The following RASGRF2 variants were observed in gnomAD, a reference collection of about 807,000 sequenced individuals.
RASGRF2 encodes the protein Ras protein specific guanine nucleotide releasing factor 2, also known as ras-specific guanine nucleotide-releasing factor 2.
Under a neutral mutation model 151.0 loss-of-function variants are expected in RASGRF2, and 76 were observed. The observed-to-expected ratio is 0.50, with a 90% confidence interval of 0.42 to 0.61. RASGRF2 has a LOEUF of 0.61. Ranked by LOEUF, RASGRF2 falls within the 20% of genes least tolerant of loss-of-function variation. The pLI is 0.00. For missense variants in RASGRF2, 1,148 were observed against 1,564.6 expected (o/e 0.73, Z 4.49); for synonymous variants, 504 against 566.5 (o/e 0.89, Z 1.57).
At chr5:81,117,020 A>G (rs1330726759) in intron 15 of RASGRF2, among the ~76,000 whole-genome samples, 1 of 152,198 alleles carries the variant, frequency 6.6e-6, no homozygotes. Flanking sequence ...TATCTATTTG[A>G]TATCAGCATG....
intron 17 of RASGRF2, among the ~76,000 whole-genome samples, chr5:81,160,717 A>ATAATAATAATAATAG (rs1249602929): frequency 4.7e-5 from 7 of 149,510 alleles, no homozygotes; most frequent in African/African-American, 1.7e-4. Context: ...AATAATAATA[A>ATAATAATAATAATAG]TAAGTCAACC....
At chr5:81,214,597 G>T (rs1246491485) in intron 23 of RASGRF2, among the ~76,000 whole-genome samples, 1 of 152,200 alleles carries the variant, frequency 6.6e-6, no homozygotes, top group Non-Finnish European at 1.5e-5. Flanking sequence ...ATCTCTAAGA[G>T]CCCTCAGACA....
chr5:81,161,511 G>A (rs931743256), intron 17 of RASGRF2, among the ~76,000 whole-genome samples: 1 of 152,128 alleles, frequency 6.6e-6, no homozygotes, highest in Non-Finnish European at 1.5e-5. Flanking sequence ...TGTAATGAAC[G>A]ACCTCACTGT....
In RASGRF2 at chr5:81,092,865, G is replaced by A; in HGVS notation, c.1455G>A (p.Leu485=). The change falls in exon 10 of 27, where the codon TTG becomes TTA. Residue 485 remains leucine (L), a synonymous_variant. Transcript: ENST00000265080. ...TTAGTAAAGTTCGCCTGGGTTCGTT[G>A]TCTTTGAAAAAGGAAGGAGAGAGAC... is the stretch of plus-strand genomic sequence containing the variant. ...GKLSKVRLGS[L]SLKKEGERQC... The A allele has an allele frequency of 6.2e-7, 1 of 1,613,204 alleles. No homozygotes were observed. Among genetic ancestry groups the A allele is most frequent in the Non-Finnish European group, 8.5e-7 (1 of 1,179,248 alleles).
intron 15 of RASGRF2, among the ~76,000 whole-genome samples, chr5:81,117,267 G>A (rs1341717442): frequency 6.6e-6 from 1 of 152,220 alleles, no homozygotes; most frequent in Non-Finnish European, 1.5e-5. Flanking sequence ...TTTTAAACTA[G>A]ATAATTGTAC....
At chr5:81,095,391 G>A (rs1198698933) in intron 12 of RASGRF2, among the ~76,000 whole-genome samples, 1 of 152,114 alleles carries the variant, frequency 6.6e-6, no homozygotes, top group Non-Finnish European at 1.5e-5. Flanking sequence ...GGCTATGGCA[G>A]GAAATCATGA....
intron 1 of RASGRF2, among the ~76,000 whole-genome samples, chr5:81,036,411 CTTA>C (rs1049691586): frequency 6.6e-6 from 1 of 151,922 alleles, no homozygotes; most frequent in East Asian, 1.9e-4. Flanking sequence ...GTTATTAATT[CTTA>C]TTAACACTAT....
intron 15 of RASGRF2, among the ~76,000 whole-genome samples, chr5:81,116,502 C>T (rs146687461): frequency 1.3e-5 from 2 of 152,282 alleles, no homozygotes; most frequent in Non-Finnish European, 2.9e-5. Context: ...CCTCTTAGGG[C>T]TTTCTAGCAC....
chr5:81,222,889 C>T (rs1406379300), intron 26 of RASGRF2, among the ~76,000 whole-genome samples: 1 of 104,312 alleles, frequency 9.6e-6, no homozygotes, highest in East Asian at 2.4e-4. Flanking sequence ...TTAGAAAATC[C>T]AAGAGAAAAA....
At chr5:81,210,121 C>G (rs1320297217) in intron 22 of RASGRF2, 2 of 152,706 alleles carry the variant, frequency 1.3e-5, no homozygotes, top group African/African-American at 2.4e-5. Context: ...TCCAATCCAT[C>G]TGTTAGGTTC....
chr5:81,080,243 G>A (rs1752048935), intron 6 of RASGRF2, 43 bp downstream of exon 6: 1 of 1,576,124 alleles, frequency 6.3e-7, no homozygotes, highest in Non-Finnish European at 8.5e-7. Flanking sequence ...TTTTAGAGTG[G>A]CTGCAATTAG....
At chr5:81,222,368 A>G (rs547850758) in intron 26 of RASGRF2, among the ~76,000 whole-genome samples, 1 of 152,262 alleles carries the variant, frequency 6.6e-6, no homozygotes, top group Non-Finnish European at 1.5e-5. Flanking sequence ...AATAGCCCCT[A>G]GGTTTTGCCC....
chr5:81,141,919 G>T (rs1307669879), intron 17 of RASGRF2, among the ~76,000 whole-genome samples: 4 of 152,176 alleles, frequency 2.6e-5, no homozygotes, highest in Non-Finnish European at 4.4e-5. Context: ...GATTAAATTT[G>T]CAGTGAGATA....
At chr5:81,140,530 A>C (rs908500418) in intron 17 of RASGRF2, among the ~76,000 whole-genome samples, 6 of 151,676 alleles carry the variant, frequency 4.0e-5, no homozygotes, top group Admixed American at 4.0e-4. Flanking sequence ...GTGTGAGTAC[A>C]CTCCTGAGCC....
chr5:81,162,524 A>G (rs375528920), intron 17 of RASGRF2, among the ~76,000 whole-genome samples: 4 of 149,036 alleles, frequency 2.7e-5, no homozygotes, highest in Non-Finnish European at 6.0e-5. Context: ...ATTTTTGTAT[A>G]TTTTAGTAGA....
chr5:81,225,868 G>A lies in RASGRF2; in HGVS notation c.*98G>A. On this transcript the variant is annotated 3_prime_UTR_variant, in exon 27 of 27. Transcript: ENST00000265080. ...CTATCACGGTACAGCACGAAGCCAG[G>A]CTCCTTTCTCCACCAAAGAAGATGG... The A allele has an allele frequency of 7.8e-7, 1 of 1,276,964 alleles. No individual in the cohort carries two copies. The highest frequency in any genetic ancestry group is 1.0e-6 in the Non-Finnish European group (1 of 957,414). The allele number at this position is 1,276,964 out of a possible 1,614,324, so 79.1% of individuals were successfully genotyped here.
At chr5:81,186,936 G>A (rs1159201259) in intron 18 of RASGRF2, among the ~76,000 whole-genome samples, 1 of 152,220 alleles carries the variant, frequency 6.6e-6, no homozygotes, top group African/African-American at 2.4e-5. Flanking sequence ...TTCTTCATCT[G>A]TAAAAATGGG....
chr5:81,151,559 C>A (rs1259204835), intron 17 of RASGRF2, among the ~76,000 whole-genome samples: 1 of 152,038 alleles, frequency 6.6e-6, no homozygotes, highest in Admixed American at 6.6e-5. Context: ...ATAGAAAATT[C>A]CAAGAATGGA....
At chr5:81,045,787 C>CT (rs963336697) in intron 2 of RASGRF2, among the ~76,000 whole-genome samples, 1 of 152,056 alleles carries the variant, frequency 6.6e-6, no homozygotes, top group Non-Finnish European at 1.5e-5. Context: ...GGGAAGAAAA[C>CT]TTTTTTATCT....
Sources: gnomAD v4.1 joint callset for allele counts (sites outside exome capture counted in the v4.1 genomes callset) on GRCh38, gnomAD v4.1.1 for gene constraint, MANE v1.5 for transcripts, NCBI Gene and HGNC (gene_info 2026-07-23, HGNC 2026-07-21) for gene names.